COL3A1: variants seen among roughly 807,000 people sequenced by gnomAD.
COL3A1 encodes the protein collagen alpha-1(III) chain.
COL3A1 carries 46 observed loss-of-function variants against 200.9 expected under a neutral mutation model. That is an observed-to-expected ratio of 0.23 (90% CI 0.18 to 0.29). COL3A1 has a LOEUF of 0.29. Among genes scored for constraint, COL3A1 ranks in the 10% least tolerant of loss-of-function variants. COL3A1 has a pLI of 1.00. For synonymous variants in COL3A1, 650 were observed against 628.0 expected, an observed-to-expected ratio of 1.03 and a Z score of -0.52; for missense variants, 1,367 against 1,917.6, an observed-to-expected ratio of 0.71 and a Z score of 5.36.
chr2:188,989,332 T>C (rs1688128740), intron 7 of COL3A1, 64 bp from the exon 8 acceptor site: 1 of 1,200,450 alleles, frequency 8.3e-7, no homozygotes. Flanking sequence ...ACATACACTG[T>C]GTAATAATAA....
intron 14 of COL3A1, 32 bp downstream of exon 14, chr2:188,992,260 G>C: frequency 1.2e-6 from 2 of 1,604,194 alleles, no homozygotes; most frequent in Non-Finnish European, 1.7e-6. Flanking sequence ...ATGTGTTGTA[G>C]GGTAATGAGA....
At chr2:188,987,483 G>A (rs537609694) in intron 5 of COL3A1, among the ~76,000 whole-genome samples, 1 of 152,120 alleles carries the variant, frequency 6.6e-6, no homozygotes, top group African/African-American at 2.4e-5. Flanking sequence ...TTACAAAACT[G>A]AAGCATACTG....
At position 189,003,745 on chromosome 2, in the gene COL3A1, C is replaced by T. The variant is rs1339610028; in HGVS notation, c.2619C>T (p.Gly873=). Residue 873 remains glycine (G), a synonymous_variant, in exon 38 of 51, where the codon GGC becomes GGT. Coordinates refer to ENST00000304636, the MANE Select transcript of COL3A1 (RefSeq NM_000090.4). ...TTACCATTTCACAGGGTGCTGCTGGCTTCCCTGGTGCTCGTGGTCTTCCTG... is the reference window on the plus strand; with the variant it reads ...TTACCATTTCACAGGGTGCTGCTGGTTTCCCTGGTGCTCGTGGTCTTCCTG... The part of the protein sequence containing the change: ...RGSPGGPGAA[G]FPGARGLPGP... 6.2e-7 allele frequency: 1 copy of T among 1,614,096 alleles called. No individual in the cohort carries two copies. Among genetic ancestry groups the T allele is most frequent in the Non-Finnish European group, 8.5e-7 (1 of 1,179,996 alleles).
intron 40 of COL3A1, 36 bp from the exon 41 acceptor site, chr2:189,005,314 G>T (rs750670250): frequency 1.3e-6 from 2 of 1,562,090 alleles, no homozygotes; most frequent in Non-Finnish European, 1.8e-6. Flanking sequence ...GATTTCTTAA[G>T]TTGAAACAAA....
Position 188,999,394 on chromosome 2 carries a change from A to G in COL3A1, c.2121+11A>G, listed in dbSNP as rs1688402807. The G allele has an allele frequency of 6.2e-7, 1 of 1,613,394 alleles. No individual in the cohort carries two copies. Among genetic ancestry groups the G allele is most frequent in the Non-Finnish European group, 8.5e-7 (1 of 1,179,578 alleles). On this transcript the variant is annotated intron_variant, in intron 30 of 50. Coordinates refer to ENST00000304636, the MANE Select transcript of COL3A1 (RefSeq NM_000090.4). ...CCCGAAGGAGGAAAGGTAACTCCAC[A>G]GCATTCCATTCACCTAGGTTTAAAA... is the stretch of plus-strand genomic sequence containing the variant.
At chr2:189,005,799 ATAT>A (rs947743717) in intron 41 of COL3A1, among the ~76,000 whole-genome samples, 12 of 151,998 alleles carry the variant, frequency 7.9e-5, no homozygotes, top group African/African-American at 2.9e-4. Flanking sequence ...TTTAAAATTA[ATAT>A]TATTTATAAT....
chr2:188,991,607 C>T (rs977054245), intron 12 of COL3A1, 62 bp from the exon 13 acceptor site: 1 of 1,608,124 alleles, frequency 6.2e-7, no homozygotes, highest in Non-Finnish European at 8.5e-7. Context: ...TTTGCTCCCA[C>T]CCCAACTGTT....
chr2:189,006,544 C>G, intron 43 of COL3A1, 92 bp downstream of exon 43: 1 of 1,185,992 alleles, frequency 8.4e-7, no homozygotes, highest in South Asian at 1.3e-5. Context: ...ATCTGCCAAC[C>G]AAAATATCCA....
chr2:189,003,368 A>G (rs554184203), intron 36 of COL3A1, 43 bp from the exon 37 acceptor site: 1 of 1,579,946 alleles, frequency 6.3e-7, no homozygotes, highest in East Asian at 2.2e-5. Flanking sequence ...CCAAATTTTG[A>G]TTTTGGTGCT....
At position 188,998,453 on chromosome 2, in the gene COL3A1, A is replaced by G. The variant is rs1309296196; in HGVS notation, c.1977+134A>G. On this transcript the variant is annotated intron_variant, in intron 28 of 50. Coordinates refer to ENST00000304636, the MANE Select transcript of COL3A1 (RefSeq NM_000090.4). ...CATTTAGTTTTGAAATATTATCAAA[A>G]CAAAGACAAATTATTTAAAAGATAA... 12 of 957,980 alleles carry G rather than the reference A, an allele frequency of 1.3e-5. No individual in the cohort carries two copies. In the East Asian group the frequency reaches 2.9e-4, roughly 23 times the overall value. The allele number at this position is 957,980 out of a possible 1,614,324, so 59.3% of individuals were successfully genotyped here.
intron 1 of COL3A1, among the ~76,000 whole-genome samples, chr2:188,976,756 T>C (rs1374689083): frequency 6.6e-6 from 1 of 152,188 alleles, no homozygotes; most frequent in Non-Finnish European, 1.5e-5. Context: ...TTTGTGAACA[T>C]TGTATTTAAT....
intron 1 of COL3A1, among the ~76,000 whole-genome samples, chr2:188,981,405 C>T (rs1340998049): frequency 6.6e-6 from 1 of 151,312 alleles, no homozygotes; most frequent in African/African-American, 2.4e-5. Flanking sequence ...GGAACAGAAA[C>T]ACCAAATGAC....
chr2:188,978,657 G>A (rs562704134), intron 1 of COL3A1, among the ~76,000 whole-genome samples: 1 of 149,540 alleles, frequency 6.7e-6, no homozygotes, highest in Non-Finnish European at 1.5e-5. Flanking sequence ...CAGTTGTAAA[G>A]TTTCCAGGTC....
chr2:188,992,805 T>C, intron 14 of COL3A1, 82 bp from the exon 15 acceptor site: 1 of 1,058,056 alleles, frequency 9.5e-7, no homozygotes, highest in Non-Finnish European at 1.5e-6. Flanking sequence ...TTCTTTACTT[T>C]ATATGTGCTC....
At position 188,996,288 on chromosome 2, in the gene COL3A1, ATG is replaced by A. The variant is rs1559057203; in HGVS notation, c.1663-108_1663-107del. 154 of 764,802 alleles carry A rather than the reference ATG, an allele frequency of 2.0e-4. No individual in the cohort carries two copies. The African/African-American group carries it at 5.1e-3, about 25-fold the overall frequency. The allele number at this position is 764,802 out of a possible 1,614,324, so 47.4% of individuals were successfully genotyped here. A position where few individuals can be genotyped will look rare whatever the true frequency, so the allele number is the denominator to read the frequency against. ...TGTGTGTGTATATATATATATGTAT[ATG>A]TATATCTATATATATACACACACAC... On this transcript the variant is annotated intron_variant, in intron 23 of 50. Transcript: ENST00000304636.
intron 1 of COL3A1, among the ~76,000 whole-genome samples, chr2:188,981,878 T>A (rs1687960916): frequency 6.6e-6 from 1 of 151,590 alleles, no homozygotes; most frequent in Non-Finnish European, 1.5e-5. Flanking sequence ...ACAAAACTAT[T>A]TTTTTCAGCA....
chr2:188,995,126 T>G lies in COL3A1; in HGVS notation c.1509+27T>G, dbSNP rs373253640. ...TAGATAACTTTAGTTTCTATGTTCC[T>G]AAATGCTAGCACCACAAATGGGCAG... is the stretch of plus-strand genomic sequence containing the variant. On this transcript the variant is annotated intron_variant, in intron 21 of 50. Transcript: ENST00000304636. 7.5e-6 allele frequency: 12 copies of G among 1,607,884 alleles called. No homozygotes were observed. The African/African-American group carries it at 1.6e-4, about 21-fold the overall frequency.
At chr2:188,988,686 A>G in intron 7 of COL3A1, 43 bp downstream of exon 7, 1 of 1,329,318 alleles carries the variant, frequency 7.5e-7, no homozygotes, top group South Asian at 1.2e-5. Flanking sequence ...CGATAATTCC[A>G]TATGGAACCT....
intron 26 of COL3A1, 25 bp downstream of exon 26, chr2:188,997,414 A>T (rs1421339885): frequency 6.2e-7 from 1 of 1,605,858 alleles, no homozygotes; most frequent in Admixed American, 1.7e-5. Context: ...ATAAAATTGG[A>T]GATGAAAATA....
Sources: allele counts gnomAD v4.1 joint callset (sites outside exome capture counted in the v4.1 genomes callset), GRCh38; gene constraint gnomAD v4.1.1; transcripts MANE v1.5; gene names NCBI Gene and HGNC (gene_info 2026-07-23, HGNC 2026-07-21).